C16orf96: variants seen among roughly 807,000 people sequenced by gnomAD.
The protein encoded by C16orf96 is chromosome 16 open reading frame 96.
A neutral mutation model predicts 103.6 loss-of-function variants in C16orf96; 108 were observed. The observed-to-expected ratio is 1.04, with a 90% CI of 0.89 to 1.22. The LOEUF (loss-of-function observed/expected upper bound fraction) is 1.22, where lower values mean the gene tolerates loss of function less well. Ranked by LOEUF, C16orf96 falls within the 50% of genes most tolerant of loss-of-function variation. The probability of loss-of-function intolerance (pLI) is 0.00; values close to 1 mark genes in which losing one functional copy is unlikely to be tolerated. For synonymous variants in C16orf96, 566 were observed against 593.5 expected, an observed-to-expected ratio of 0.95 and a Z score of 0.67; for missense variants, 1,586 against 1,464.2, an observed-to-expected ratio of 1.08 and a Z score of -1.36.
the C16orf96 span, among the ~76,000 whole-genome samples, chr16:4,542,365 TA>T: frequency 6.6e-6 from 1 of 152,032 alleles, no homozygotes; most frequent in South Asian, 2.1e-4. Context: ...ACTCAGTCTC[TA>T]AAAAAATAAA....
At position 4,576,533 on chromosome 16, in the gene C16orf96, T is replaced by C. The variant is rs2059512589; in HGVS notation, c.2053T>C (p.Tyr685His). The change falls in exon 5 of 16, where the codon TAT becomes CAT. Residue 685 changes from tyrosine (Y) to histidine (H), a missense_variant. Tyr to His is a moderately conservative substitution (Grantham distance 83). Coordinates refer to ENST00000444310, the MANE Select transcript of C16orf96 (RefSeq NM_001145011.2). ...TGAAGACAAGAAGAGGGCTGTCAAG[T>C]ATTCCATGAGCCACATAGCCCAGAT... ...SPEDKKRAVK[Y>H]SMSHIAQIPV... 2 of 1,551,438 alleles carry C rather than the reference T, an allele frequency of 1.3e-6. No homozygotes were observed. The highest frequency in any genetic ancestry group is 2.7e-5 in the African/African-American group (2 of 73,052).
chr16:4,545,096 C>T, the C16orf96 span, among the ~76,000 whole-genome samples: 1 of 152,160 alleles, frequency 6.6e-6, no homozygotes, highest in Non-Finnish European at 1.5e-5. Context: ...TTCTCCATGA[C>T]CAGACATTAG....
At chr16:4,542,552 T>C in the C16orf96 span, among the ~76,000 whole-genome samples, 4 of 152,076 alleles carry the variant, frequency 2.6e-5, no homozygotes, top group Non-Finnish European at 5.9e-5. Flanking sequence ...ATCCCAGCAC[T>C]TTGGGAGGCC....
chr16:4,587,236 G>A lies in C16orf96; in HGVS notation c.2427+123G>A, dbSNP rs1055947032. 5.2e-6 allele frequency: 5 copies of A among 955,590 alleles called. No homozygotes were observed. In the African/African-American group the frequency reaches 8.2e-5, roughly 16 times the overall value. 59.2% of individuals were successfully genotyped at this position (955,590 alleles called of 1,614,324 possible). Reference sequence around the variant, plus strand: ...TCCCCCTTTGTTCATATTGAAACCAGGAGTTGGCTGGGCGCAGTGGCTCAT... The same window carrying A: ...TCCCCCTTTGTTCATATTGAAACCAAGAGTTGGCTGGGCGCAGTGGCTCAT... On this transcript the variant is annotated intron_variant, in intron 8 of 15. Coordinates refer to ENST00000444310, the MANE Select transcript of C16orf96 (RefSeq NM_001145011.2).
At position 4,575,872 on chromosome 16, in the gene C16orf96, C is replaced by T. The variant is rs1468900302; in HGVS notation, c.1392C>T (p.Pro464=). Residue 464 remains proline, a synonymous_variant, in exon 5 of 16, where the codon CCC becomes CCT. Coordinates refer to ENST00000444310, the MANE Select transcript of C16orf96 (RefSeq NM_001145011.2). ...VQVKGEENDV[P]SLRGLRERAR... ...TAAAGGGGGAGGAAAATGATGTCCC[C>T]AGCCTAAGGGGCCTTCGGGAGAGGG... 6.4e-7 allele frequency: 1 copy of T among 1,551,454 alleles called. No individual in the cohort carries two copies. The highest frequency in any genetic ancestry group is 1.4e-5 in the African/African-American group (1 of 73,050).
chr16:4,565,536 T>A (rs1301436516), intron 1 of C16orf96, among the ~76,000 whole-genome samples: 2 of 152,254 alleles, frequency 1.3e-5, no homozygotes, highest in Non-Finnish European at 2.9e-5. Context: ...GCGCCCAGGC[T>A]GGAGTGCAGT....
rs1596526234 is a variant in C16orf96 at position 4,576,435 on chromosome 16, A to G, written c.1955A>G (p.Tyr652Cys). The change falls in exon 5 of 16, where the codon TAC becomes TGC. Residue 652 changes from tyrosine to cysteine, a missense_variant. Transcript: ENST00000444310. ...ATCTACGAAATCCTCTCTCCCTCCTACTCTGCTGCCAGCATCGGTCCCGAT... is the reference window on the plus strand; with the variant it reads ...ATCTACGAAATCCTCTCTCCCTCCTGCTCTGCTGCCAGCATCGGTCCCGAT... ...SEIYEILSPS[Y>C]SAASIGPDPA... 1 of 1,550,632 alleles carries G rather than the reference A, an allele frequency of 6.4e-7. No homozygotes were observed. Among genetic ancestry groups the G allele is most frequent in the Non-Finnish European group, 8.7e-7 (1 of 1,146,848 alleles).
In C16orf96 at chr16:4,575,065, G is replaced by A; in HGVS notation, c.693+7G>A. The A allele has an allele frequency of 5.8e-6, 9 of 1,551,386 alleles. No individual in the cohort carries two copies. The highest frequency in any genetic ancestry group is 7.8e-6 in the Non-Finnish European group (9 of 1,147,000). On this transcript the variant is annotated splice_region_variant and intron_variant, in intron 4 of 15. Transcript: ENST00000444310. ...TGATGCCATGTTCACCTCAGTGAGT[G>A]AGGAAGGAAGGGGAGGTTAGCAGGA... is the stretch of plus-strand genomic sequence containing the variant.
At chr16:4,563,305 A>G (rs371545214) in intron 1 of C16orf96, among the ~76,000 whole-genome samples, 2 of 152,112 alleles carry the variant, frequency 1.3e-5, no homozygotes, top group East Asian at 3.9e-4. Flanking sequence ...GCTGGGGTGC[A>G]GTGGCTCGAT....
rs571089363 is a variant in C16orf96, at chr16:4,575,912, GC to G, written c.1437del (p.Lys480ArgfsTer85). Reference protein sequence around the residue: ...GLRERARKDGAPKDRTRKDGV... With the variant: ...GLRERARKDGXPKDRTRKDGV... ...TCGGGAGAGGGCCCGCAAGGATGGGGCCCCCAAGGATAGAACTCGCAAGGAT... is the reference window on the plus strand; with the variant it reads ...TCGGGAGAGGGCCCGCAAGGATGGGGCCCCAAGGATAGAACTCGCAAGGAT... On this transcript the variant is annotated frameshift_variant, in exon 5 of 16. Transcript: ENST00000444310. LOFTEE classifies it high-confidence loss of function. The G allele has an allele frequency of 2.6e-5, 40 of 1,551,454 alleles. 1 individual carries two copies. The highest frequency in any genetic ancestry group is 3.3e-4 in the Middle Eastern group (2 of 6,014).
In C16orf96 at chr16:4,594,472, T is replaced by C. The variant is rs1180902927; in HGVS notation, c.2989T>C (p.Tyr997His). Residue 997 changes from tyrosine (Y) to histidine (H), a missense_variant, in exon 13 of 16, where the codon TAT (tyrosine) becomes CAT (histidine). By Grantham distance (83) the Tyr-to-His change is moderately conservative. Transcript: ENST00000444310. Reference sequence around the variant, plus strand: ...CAAGTCCTGCAACCTGTTGACGCTCTATCCCTACGGGGATCCCCACGTGAT... The same window carrying C: ...CAAGTCCTGCAACCTGTTGACGCTCCATCCCTACGGGGATCCCCACGTGAT... The part of the protein sequence containing the change: ...KCKSCNLLTL[Y>H]PYGDPHVIDY... The C allele has an allele frequency of 5.8e-6, 9 of 1,551,376 alleles. No individual in the cohort carries two copies. Among genetic ancestry groups the C allele is most frequent in the Middle Eastern group, 1.7e-4 (1 of 6,014 alleles).
At chr16:4,578,252 C>T (rs993318134) in intron 5 of C16orf96, among the ~76,000 whole-genome samples, 1 of 152,186 alleles carries the variant, frequency 6.6e-6, no homozygotes, top group East Asian at 2.0e-4. Flanking sequence ...GAGAGATTCT[C>T]CTGCCTCAGC....
chr16:4,565,108 G>A (rs2059373238), intron 1 of C16orf96, among the ~76,000 whole-genome samples: 1 of 152,120 alleles, frequency 6.6e-6, no homozygotes, highest in South Asian at 2.1e-4. Flanking sequence ...CCTTTTTCAG[G>A]CCTCTTAAGG....
At chr16:4,581,064 C>T (rs1348232957) in intron 7 of C16orf96, among the ~76,000 whole-genome samples, 7 of 147,676 alleles carry the variant, frequency 4.7e-5, no homozygotes, top group African/African-American at 7.5e-5. Flanking sequence ...GCAGTGGTTG[C>T]GGTGAGCCCC....
chr16:4,558,117 A>G (rs957566247), intron 1 of C16orf96, among the ~76,000 whole-genome samples: 2 of 152,222 alleles, frequency 1.3e-5, no homozygotes, highest in Non-Finnish European at 2.9e-5. Context: ...GGAGCAGCAA[A>G]GAGGCATTCC....
the C16orf96 span, among the ~76,000 whole-genome samples, chr16:4,543,740 C>A: frequency 0.54 from 81,892 of 151,986 alleles, 26,029 homozygotes; most frequent in Non-Finnish European, 0.7. Flanking sequence ...TGCCTCTTGG[C>A]AAGCGATTCT....
chr16:4,600,221 C>A lies in C16orf96; in HGVS notation c.3330C>A (p.Asp1110Glu), dbSNP rs1442260263. 4.5e-6 allele frequency: 7 copies of A among 1,551,612 alleles called. No homozygotes were observed. The highest frequency in any genetic ancestry group is 1.2e-5 in the South Asian group (1 of 84,070). Residue 1110 changes from aspartate to glutamate, a missense_variant, in exon 16 of 16, where the codon GAC becomes GAA. By Grantham distance (45) the Asp-to-Glu change is conservative (BLOSUM62 2). Coordinates refer to ENST00000444310, the MANE Select transcript of C16orf96 (RefSeq NM_001145011.2). Reference protein sequence around the residue: ...LLPPLIPSLRDPQQAPGSTRL... With the variant: ...LLPPLIPSLREPQQAPGSTRL... ...CACCGCTGATTCCATCCCTAAGGGA[C>A]CCCCAGCAGGCCCCAGGGTCCACCA...
chr16:4,568,551 C>T (rs909574629), intron 1 of C16orf96, among the ~76,000 whole-genome samples: 4 of 151,836 alleles, frequency 2.6e-5, no homozygotes, highest in Non-Finnish European at 5.9e-5. Context: ...CTGCAGCTAC[C>T]CAAAATGCTG....
chr16:4,577,559 G>C (rs1401683505), intron 5 of C16orf96, among the ~76,000 whole-genome samples: 1 of 152,028 alleles, frequency 6.6e-6, no homozygotes, highest in Non-Finnish European at 1.5e-5. Flanking sequence ...GCTGAGGCAG[G>C]AGAATGGCGT....
Sources: gnomAD v4.1 joint callset for allele counts (sites outside exome capture counted in the v4.1 genomes callset) on GRCh38, gnomAD v4.1.1 for gene constraint, MANE v1.5 for transcripts, NCBI Gene and HGNC (gene_info 2026-07-23, HGNC 2026-07-21) for gene names.